The following BBX variants were observed in gnomAD, a reference collection of about 807,000 sequenced individuals.
BBX encodes the protein HMG box transcription factor BBX.
Under a neutral mutation model 100.2 loss-of-function variants are expected in BBX, and 30 were observed. That is an observed-to-expected ratio of 0.30 (90% CI 0.22 to 0.41). The LOEUF (loss-of-function observed/expected upper bound fraction) is 0.41, where lower values mean the gene tolerates loss of function less well. BBX is among the 10% of genes least tolerant of loss of function. BBX has a pLI of 1.00. For synonymous variants in BBX, 376 were observed against 388.1 expected (o/e 0.97, Z 0.37); for missense variants, 1,023 against 1,129.8 (o/e 0.91, Z 1.35).
chr3:107,561,261 G>A (rs1447023532), intron 2 of BBX, among the ~76,000 whole-genome samples: 1 of 152,180 alleles, frequency 6.6e-6, no homozygotes, highest in African/African-American at 2.4e-5. Flanking sequence ...CTGTGCTTAG[G>A]ACAGATTGTC....
intron 2 of BBX, among the ~76,000 whole-genome samples, chr3:107,564,024 T>A (rs1056346795): frequency 6.6e-6 from 1 of 152,204 alleles, no homozygotes; most frequent in Non-Finnish European, 1.5e-5. Flanking sequence ...AGAGCATAGT[T>A]GCTATTTTCC....
chr3:107,591,441 T>G (rs1250604087), intron 2 of BBX, among the ~76,000 whole-genome samples: 3 of 152,152 alleles, frequency 2.0e-5, no homozygotes, highest in African/African-American at 7.2e-5. Context: ...AAACAGTCAG[T>G]AAACTGCTAA....
At chr3:107,556,105 C>T (rs894824489) in intron 2 of BBX, among the ~76,000 whole-genome samples, 3 of 152,024 alleles carry the variant, frequency 2.0e-5, no homozygotes, top group African/African-American at 4.8e-5. Flanking sequence ...AAGTACTGGC[C>T]GTGGCTCAGG....
chr3:107,772,521 G>C (rs910518261), intron 10 of BBX, 107 bp from the exon 11 acceptor site: 4 of 1,198,100 alleles, frequency 3.3e-6, no homozygotes, highest in Admixed American at 3.1e-5. Context: ...AAAGTTTAAA[G>C]TGTGTTTTGA....
In BBX at chr3:107,772,926, A is replaced by G. The variant is rs775199194; in HGVS notation, c.1205A>G (p.Lys402Arg). The change falls in exon 11 of 18, where the codon AAA becomes AGA. Residue 402 changes from lysine (K) to arginine (R), a missense_variant. This residue lies in a region of BBX where 348 missense variants were observed against 353.2 expected (regional missense o/e 0.99). Transcript: ENST00000325805. ...IRKEELEEDHKCSHFPDFSYS... is the reference protein window; with the variant it reads ...IRKEELEEDHRCSHFPDFSYS... ...AAGGAAGAGTTAGAAGAAGATCACAAATGTAGTCATTTTCCTGATTTTTCT... is the reference window on the plus strand; with the variant it reads ...AAGGAAGAGTTAGAAGAAGATCACAGATGTAGTCATTTTCCTGATTTTTCT... 1 of 1,612,014 alleles carries G rather than the reference A, an allele frequency of 6.2e-7. No homozygotes were observed. The highest frequency in any genetic ancestry group is 8.5e-7 in the Non-Finnish European group (1 of 1,179,458).
At chr3:107,584,411 A>C (rs917506347) in intron 2 of BBX, among the ~76,000 whole-genome samples, 2 of 149,486 alleles carry the variant, frequency 1.3e-5, no homozygotes, top group African/African-American at 4.9e-5. Context: ...TTGTCAATTT[A>C]GTTTGTGAAA....
At chr3:107,751,395 CTT>C (rs952458297) in intron 9 of BBX, among the ~76,000 whole-genome samples, 1 of 152,076 alleles carries the variant, frequency 6.6e-6, no homozygotes, top group Non-Finnish European at 1.5e-5. Context: ...TTTACAAACT[CTT>C]TTAACACTGG....
Position 107,692,268 on chromosome 3 carries a change from A to G in BBX, c.-9-18184A>G, listed in dbSNP as rs191950486. On this transcript the variant is annotated intron_variant, in intron 3 of 17. Coordinates refer to ENST00000325805, the MANE Select transcript of BBX (RefSeq NM_001142568.3). ...GTGCAGGTTAGTTACATATGTATACATGTGCCATGCTGGTGCGCTGCACCT... is the reference window on the plus strand; with the variant it reads ...GTGCAGGTTAGTTACATATGTATACGTGTGCCATGCTGGTGCGCTGCACCT... Among the ~76,000 whole-genome samples the G allele has an allele frequency of 7.3e-3, 1,108 of 151,958 alleles. 10 individuals are homozygous for G. The highest frequency in any genetic ancestry group is 0.024 in the African/African-American group (1,013 of 41,406).
chr3:107,711,367 AG>A (rs751646414), intron 4 of BBX: 2 of 470,632 alleles, frequency 4.2e-6, no homozygotes, highest in South Asian at 1.6e-5. Context: ...GGCACATAGT[AG>A]GTATTAAATA....
chr3:107,547,650 T>C (rs772717580), intron 2 of BBX, among the ~76,000 whole-genome samples: 1 of 152,180 alleles, frequency 6.6e-6, no homozygotes, highest in Non-Finnish European at 1.5e-5. Flanking sequence ...GGCACTCTTC[T>C]GTGTACTTTC....
At chr3:107,615,275 A>T (rs949217491) in intron 2 of BBX, among the ~76,000 whole-genome samples, 1 of 152,236 alleles carries the variant, frequency 6.6e-6, no homozygotes, top group Non-Finnish European at 1.5e-5. Flanking sequence ...ACCAGACACC[A>T]GCTTGAGCAT....
chr3:107,793,484 T>G (rs901081377), intron 15 of BBX, among the ~76,000 whole-genome samples: 6 of 152,052 alleles, frequency 3.9e-5, no homozygotes, highest in Non-Finnish European at 7.4e-5. Context: ...CCATTTTTGG[T>G]TTTTCATTTT....
chr3:107,709,176 A>G (rs2061566413), intron 3 of BBX, among the ~76,000 whole-genome samples: 1 of 152,214 alleles, frequency 6.6e-6, no homozygotes, highest in African/African-American at 2.4e-5. Flanking sequence ...TATTTTATCA[A>G]AATGAATCCC....
chr3:107,549,702 T>C (rs2049516372), intron 2 of BBX, among the ~76,000 whole-genome samples: 2 of 152,138 alleles, frequency 1.3e-5, no homozygotes, highest in Non-Finnish European at 2.9e-5. Flanking sequence ...GCTTTCTCCA[T>C]AGTTGGCAGA....
intron 10 of BBX, among the ~76,000 whole-genome samples, chr3:107,760,033 A>G (rs1021417327): frequency 1.8e-4 from 28 of 152,334 alleles, no homozygotes; most frequent in African/African-American, 4.8e-4. Context: ...TTTGATTCTC[A>G]CAACTATCCT....
chr3:107,618,087 A>G (rs1194750245), intron 2 of BBX, among the ~76,000 whole-genome samples: 1 of 151,942 alleles, frequency 6.6e-6, no homozygotes, highest in Non-Finnish European at 1.5e-5. Flanking sequence ...TTTATCATGA[A>G]TGGGTGTTGA....
At chr3:107,693,611 A>G (rs1357933386) in intron 3 of BBX, among the ~76,000 whole-genome samples, 2 of 151,744 alleles carry the variant, frequency 1.3e-5, no homozygotes, top group African/African-American at 2.4e-5. Context: ...GCCTTGTAGT[A>G]TAGTTTGAAG....
intron 2 of BBX, among the ~76,000 whole-genome samples, chr3:107,581,102 G>C (rs575043247): frequency 1.3e-5 from 2 of 152,236 alleles, no homozygotes; most frequent in East Asian, 3.9e-4. Flanking sequence ...TTTGCTTAAA[G>C]ACAATCTTGT....
In BBX at chr3:107,798,858, A is replaced by T. The variant is rs2070064991; in HGVS notation, c.2551+138A>T. On this transcript the variant is annotated intron_variant, in intron 16 of 17. Coordinates refer to ENST00000325805, the MANE Select transcript of BBX (RefSeq NM_001142568.3). ...GCTAAAAAAAAAAAAAAACAAAAAC[A>T]AAAAAAACCAGGCCAGGCGCGGTGG... 3 of 969,642 alleles carry T rather than the reference A, an allele frequency of 3.1e-6. No individual in the cohort carries two copies. In the Admixed American group the frequency reaches 8.7e-5, roughly 28 times the overall value. The allele number at this position is 969,642 out of a possible 1,614,324, so 60.1% of individuals were successfully genotyped here. A position where few individuals can be genotyped will look rare whatever the true frequency, so the allele number is the denominator to read the frequency against.
Sources: allele counts gnomAD v4.1 joint callset (sites outside exome capture counted in the v4.1 genomes callset), GRCh38; gene constraint gnomAD v4.1.1; regional missense constraint gnomAD v4.1.1; transcripts MANE v1.5; gene names NCBI Gene and HGNC (gene_info 2026-07-23, HGNC 2026-07-21).